The following CHL1 variants were observed in gnomAD, a reference collection of about 807,000 sequenced individuals.
The protein encoded by CHL1 is cell adhesion molecule L1 like.
CHL1 carries 96 observed loss-of-function variants against 141.9 expected under a neutral mutation model. That is an observed-to-expected ratio of 0.68 (90% CI 0.57 to 0.80). CHL1 has a LOEUF of 0.80. Among genes scored for constraint, CHL1 ranks in the 30% least tolerant of loss-of-function variants. CHL1 has a pLI of 0.00. For missense variants in CHL1, 1,820 were observed against 1,457.2 expected, an observed-to-expected ratio of 1.25 and a Z score of -4.05; for synonymous variants, 613 against 502.2, an observed-to-expected ratio of 1.22 and a Z score of -2.95.
intron 2 of CHL1, among the ~76,000 whole-genome samples, chr3:256,113 T>TTCTAAGCGAAGTAAGGAGGTTACATAC (rs1694136013): frequency 6.6e-6 from 1 of 152,212 alleles, no homozygotes; most frequent in Admixed American, 6.6e-5. Context: ...GCTAAACATA[T>TTCTAAGCGAAGTAAGGAGGTTACATAC]TCTAAGCGAA....
intron 2 of CHL1, chr3:246,424 A>G (rs1325866917): frequency 6.6e-6 from 1 of 152,136 alleles, no homozygotes; most frequent in African/African-American, 2.4e-5. Flanking sequence ...CTACAAAATA[A>G]GTTCCCTTAC....
intron 20 of CHL1, among the ~76,000 whole-genome samples, chr3:390,307 C>T (rs185083167): frequency 5.4e-4 from 83 of 152,300 alleles, no homozygotes; most frequent in Admixed American, 1.4e-3. Context: ...AGGTAAGTCC[C>T]TTAGAACAGT....
chr3:348,919 T>C (rs920947627), intron 9 of CHL1, among the ~76,000 whole-genome samples: 1 of 152,236 alleles, frequency 6.6e-6, no homozygotes, highest in African/African-American at 2.4e-5. Context: ...CTCTGCTGAC[T>C]GTTAAGTCCC....
intron 2 of CHL1, among the ~76,000 whole-genome samples, chr3:255,489 G>C (rs1371454556): frequency 8.9e-6 from 1 of 111,964 alleles, no homozygotes; most frequent in Non-Finnish European, 1.9e-5. Context: ...CAGCCTTTTG[G>C]TGTCTTTGTA....
In CHL1 at chr3:245,315, C is replaced by T. The variant is rs544524913; in HGVS notation, c.-95+623C>T. Among the ~76,000 whole-genome samples the T allele has an allele frequency of 1.6e-4, 24 of 152,218 alleles. 1 individual carries two copies. Among genetic ancestry groups the T allele is most frequent in the African/African-American group, 5.8e-4 (24 of 41,540 alleles). The stretch of plus-strand genomic sequence containing the variant: ...GGGCCAAACACACAGTGATGTAGTT[C>T]TAGGTAAGCTGTTTAGCTATTTTGA... On this transcript the variant is annotated intron_variant, in intron 2 of 27. Transcript: ENST00000256509.
At chr3:265,031 C>T (rs3934035) in intron 2 of CHL1, among the ~76,000 whole-genome samples, 24,286 of 152,180 alleles carry the variant, frequency 0.16, 2,490 homozygotes, top group East Asian at 0.38. Flanking sequence ...GTCTAATGTG[C>T]ACTACTACTC....
chr3:334,516 A>G (rs1304204475), intron 5 of CHL1, among the ~76,000 whole-genome samples: 1 of 152,224 alleles, frequency 6.6e-6, no homozygotes, highest in Non-Finnish European at 1.5e-5. Flanking sequence ...TGGACATTTC[A>G]TATAATTGGA....
At chr3:376,682 T>C (rs1706369020) in intron 15 of CHL1, among the ~76,000 whole-genome samples, 1 of 152,208 alleles carries the variant, frequency 6.6e-6, no homozygotes, top group South Asian at 2.1e-4. Flanking sequence ...AGTATATTCT[T>C]TCATCTAAGA....
chr3:375,702 C>T (rs978533482), intron 15 of CHL1, among the ~76,000 whole-genome samples: 5 of 152,024 alleles, frequency 3.3e-5, no homozygotes, highest in African/African-American at 9.7e-5. Context: ...AGGCTGTATG[C>T]ACTAATCACT....
At chr3:217,128 G>A (rs1352718685) in intron 1 of CHL1, among the ~76,000 whole-genome samples, 1 of 151,908 alleles carries the variant, frequency 6.6e-6, no homozygotes, top group Non-Finnish European at 1.5e-5. Flanking sequence ...TGCAATTCCT[G>A]AATAATTTGG....
intron 12 of CHL1, 71 bp downstream of exon 12, chr3:360,495 T>C (rs1704129179): frequency 6.7e-6 from 10 of 1,489,088 alleles, no homozygotes; most frequent in Admixed American, 3.6e-5. Flanking sequence ...TGTTCAGAAG[T>C]GTATTAACTC....
intron 14 of CHL1, chr3:363,588 T>C: frequency 2.2e-6 from 1 of 448,252 alleles, no homozygotes; most frequent in Non-Finnish European, 3.9e-6. Context: ...AGCTTCATCC[T>C]ATTTTAAGAG....
chr3:255,057 T>A (rs1407011579), intron 2 of CHL1, among the ~76,000 whole-genome samples: 2 of 152,160 alleles, frequency 1.3e-5, no homozygotes, highest in Non-Finnish European at 2.9e-5. Flanking sequence ...TTGGGGCCCG[T>A]TTTTGCTGCA....
intron 15 of CHL1, among the ~76,000 whole-genome samples, chr3:368,124 T>C (rs748967585): frequency 6.6e-6 from 1 of 152,218 alleles, no homozygotes; most frequent in African/African-American, 2.4e-5. Flanking sequence ...GTAATGTGAT[T>C]GCTGGGTCAA....
chr3:223,365 T>C (rs1227105770), intron 1 of CHL1, among the ~76,000 whole-genome samples: 1 of 152,172 alleles, frequency 6.6e-6, no homozygotes, highest in East Asian at 1.9e-4. Context: ...CTTATGGAGG[T>C]AAGATGACTT....
intron 2 of CHL1, among the ~76,000 whole-genome samples, chr3:251,884 G>T (rs1475029890): frequency 2.0e-5 from 3 of 151,898 alleles, no homozygotes; most frequent in South Asian, 4.1e-4. Context: ...TCCCATTATG[G>T]TTGGTTTCTC....
Position 365,989 on chromosome 3 carries a change from T to A in CHL1, c.1625T>A (p.Ile542Asn). 6.2e-7 allele frequency: 1 copy of A among 1,613,630 alleles called. No individual in the cohort carries two copies. Among genetic ancestry groups the A allele is most frequent in the Non-Finnish European group, 8.5e-7 (1 of 1,179,670 alleles). ...KLRVSPKNPR[I>N]PKLHMLELHC... The stretch of plus-strand genomic sequence containing the variant: ...AGAGTTTCTCCTAAGAATCCTCGTA[T>A]CCCCAAATTGCATATGCTTGAATTA... The change falls in exon 15 of 28, where the codon ATC becomes AAC. Residue 542 changes from isoleucine (I) to asparagine (N), a missense_variant. By Grantham distance (149) the Ile-to-Asn change is moderately radical (BLOSUM62 -3). Transcript: ENST00000256509.
At chr3:296,357 T>C (rs1200350475) in intron 2 of CHL1, among the ~76,000 whole-genome samples, 3 of 152,198 alleles carry the variant, frequency 2.0e-5, no homozygotes, top group Non-Finnish European at 2.9e-5. Context: ...TATACCAAAA[T>C]TCTGTGAAAA....
At chr3:285,150 T>A (rs1037582279) in intron 2 of CHL1, among the ~76,000 whole-genome samples, 3 of 152,238 alleles carry the variant, frequency 2.0e-5, no homozygotes, top group Non-Finnish European at 4.4e-5. Flanking sequence ...ATTATCACCT[T>A]TCACCTTTTA....
Sources: allele counts gnomAD v4.1 joint callset (sites outside exome capture counted in the v4.1 genomes callset), GRCh38; gene constraint gnomAD v4.1.1; transcripts MANE v1.5; gene names NCBI Gene and HGNC (gene_info 2026-07-23, HGNC 2026-07-21).